GALNTL6: variants seen among roughly 807,000 people sequenced by gnomAD.
The protein encoded by GALNTL6 is polypeptide N-acetylgalactosaminyltransferase-like 6.
GALNTL6 carries 46 observed loss-of-function variants against 73.7 expected under a neutral mutation model. The ratio of observed to expected loss-of-function variants is 0.62; its 90% CI spans 0.49 to 0.80. The LOEUF (loss-of-function observed/expected upper bound fraction) is 0.80, where lower values mean the gene tolerates loss of function less well. Among genes scored for constraint, GALNTL6 ranks in the 30% least tolerant of loss-of-function variants. The pLI is 0.00. For missense variants in GALNTL6, 604 were observed against 755.0 expected (o/e 0.80, Z 2.34); for synonymous variants, 259 against 263.7 (o/e 0.98, Z 0.17).
chr4:172,189,253 A>G (rs1016147551), intron 2 of GALNTL6, among the ~76,000 whole-genome samples: 3 of 152,166 alleles, frequency 2.0e-5, no homozygotes, highest in Non-Finnish European at 4.4e-5. Flanking sequence ...AGATCAACCA[A>G]TAATTACCTA....
chr4:172,100,886 A>T (rs1396136380), intron 2 of GALNTL6, among the ~76,000 whole-genome samples: 1 of 152,172 alleles, frequency 6.6e-6, no homozygotes, highest in Non-Finnish European at 1.5e-5. Flanking sequence ...GTATGGAAGT[A>T]GGAGGGTGGA....
At chr4:172,819,578 C>T (rs902774490) in intron 7 of GALNTL6, among the ~76,000 whole-genome samples, 1 of 152,188 alleles carries the variant, frequency 6.6e-6, no homozygotes, top group African/African-American at 2.4e-5. Context: ...CCATGTTAGT[C>T]TTTCTTTCAC....
intron 5 of GALNTL6, among the ~76,000 whole-genome samples, chr4:172,615,093 ACTT>A (rs1284731552): frequency 3.9e-5 from 6 of 151,978 alleles, no homozygotes; most frequent in African/African-American, 1.4e-4. Flanking sequence ...CAGGAACGTG[ACTT>A]CTGAGGCTAG....
chr4:172,437,210 C>A (rs901164882), intron 5 of GALNTL6, among the ~76,000 whole-genome samples: 2 of 152,054 alleles, frequency 1.3e-5, no homozygotes, highest in Admixed American at 1.3e-4. Context: ...TTTGTCTCAC[C>A]TTTTTAGCTT....
intron 4 of GALNTL6, among the ~76,000 whole-genome samples, chr4:172,321,787 C>T (rs904557678): frequency 1.3e-5 from 2 of 152,012 alleles, no homozygotes; most frequent in Non-Finnish European, 2.9e-5. Flanking sequence ...GAGAGGGTCC[C>T]CCACCACCAG....
At chr4:172,243,009 T>C (rs1236028664) in intron 3 of GALNTL6, among the ~76,000 whole-genome samples, 1 of 152,190 alleles carries the variant, frequency 6.6e-6, no homozygotes, top group Non-Finnish European at 1.5e-5. Context: ...AGGCTGTTAA[T>C]CATATTCAAA....
At chr4:172,144,096 A>G (rs564531907) in intron 2 of GALNTL6, among the ~76,000 whole-genome samples, 2 of 152,206 alleles carry the variant, frequency 1.3e-5, no homozygotes, top group East Asian at 3.9e-4. Flanking sequence ...TTTCTCCATG[A>G]CTTCAGGGGA....
intron 10 of GALNTL6, among the ~76,000 whole-genome samples, chr4:172,990,566 GT>G (rs201454358): frequency 0.048 from 7,010 of 146,102 alleles, 363 homozygotes; most frequent in African/African-American, 0.13. Flanking sequence ...AGTCCTGAAA[GT>G]TTTTTTTTTT....
chr4:171,925,047 G>A (rs144061460), intron 2 of GALNTL6, among the ~76,000 whole-genome samples: 1 of 152,214 alleles, frequency 6.6e-6, no homozygotes, highest in East Asian at 1.9e-4. Context: ...AATGAAATGC[G>A]CAGGAAAACT....
intron 2 of GALNTL6, among the ~76,000 whole-genome samples, chr4:171,890,824 G>C (rs1247411961): frequency 6.6e-6 from 1 of 152,080 alleles, no homozygotes; most frequent in Non-Finnish European, 1.5e-5. Flanking sequence ...GGTTAGGGGT[G>C]GAGGTCCCAT....
chr4:172,785,994 A>G (rs959200830), intron 5 of GALNTL6, among the ~76,000 whole-genome samples: 11 of 152,210 alleles, frequency 7.2e-5, no homozygotes, highest in African/African-American at 2.7e-4. Flanking sequence ...GAATCATTTA[A>G]GGGAAACCTC....
intron 2 of GALNTL6, among the ~76,000 whole-genome samples, chr4:171,935,453 T>A (rs1435069479): frequency 6.6e-6 from 1 of 152,138 alleles, no homozygotes; most frequent in Non-Finnish European, 1.5e-5. Flanking sequence ...CCCTGTTGAC[T>A]GAAGAAACAC....
At chr4:172,379,299 G>C (rs1743169755) in intron 5 of GALNTL6, among the ~76,000 whole-genome samples, 1 of 152,130 alleles carries the variant, frequency 6.6e-6, no homozygotes, top group Non-Finnish European at 1.5e-5. Flanking sequence ...GGGAGGCCGA[G>C]GCGGGTGGAT....
intron 2 of GALNTL6, among the ~76,000 whole-genome samples, chr4:172,214,246 C>G (rs1419419748): frequency 1.3e-5 from 2 of 152,036 alleles, no homozygotes; most frequent in Admixed American, 6.5e-5. Flanking sequence ...CTGACTGTCC[C>G]TTTTCTTCAG....
intron 5 of GALNTL6, among the ~76,000 whole-genome samples, chr4:172,501,892 G>C (rs1196193815): frequency 6.6e-6 from 1 of 152,008 alleles, no homozygotes; most frequent in Admixed American, 6.6e-5. Context: ...TTGTAGTTTC[G>C]ATAAAAATTG....
intron 5 of GALNTL6, among the ~76,000 whole-genome samples, chr4:172,364,500 A>G (rs538588794): frequency 5.9e-5 from 9 of 152,200 alleles, no homozygotes; most frequent in Admixed American, 2.0e-4. Flanking sequence ...ATTAAATGCA[A>G]TAAGTATTCT....
At chr4:172,613,573 A>G (rs1738610978) in intron 5 of GALNTL6, among the ~76,000 whole-genome samples, 1 of 149,168 alleles carries the variant, frequency 6.7e-6, no homozygotes. Context: ...TTACATTTAA[A>G]GAAGATCATA....
At chr4:172,735,902 A>G (rs1171056021) in intron 5 of GALNTL6, among the ~76,000 whole-genome samples, 1 of 152,210 alleles carries the variant, frequency 6.6e-6, no homozygotes, top group Non-Finnish European at 1.5e-5. Context: ...ACATGTCGGC[A>G]GGTTCCGTGA....
At chr4:171,864,910 C>T (rs1735931176) in intron 2 of GALNTL6, among the ~76,000 whole-genome samples, 1 of 151,942 alleles carries the variant, frequency 6.6e-6, no homozygotes, top group Non-Finnish European at 1.5e-5. Context: ...AGATGGGAAA[C>T]AGCACTTAAG....
Sources: allele counts gnomAD v4.1 joint callset (sites outside exome capture counted in the v4.1 genomes callset), GRCh38; gene constraint gnomAD v4.1.1; transcripts MANE v1.5; gene names NCBI Gene and HGNC (gene_info 2026-07-23, HGNC 2026-07-21).